RIN3: variants seen among roughly 807,000 people sequenced by gnomAD.
The protein encoded by RIN3 is RAB5 interacting protein 3.
RIN3 carries 54 observed loss-of-function variants against 76.3 expected under a neutral mutation model. The observed-to-expected ratio is 0.71, with a 90% confidence interval of 0.57 to 0.89. The LOEUF is 0.89. Among genes scored for constraint, RIN3 ranks in the 40% least tolerant of loss-of-function variants. RIN3 has a pLI of 0.00. For synonymous variants in RIN3, 576 were observed against 564.0 expected, an observed-to-expected ratio of 1.02 and a Z score of -0.30; for missense variants, 1,256 against 1,322.1, an observed-to-expected ratio of 0.95 and a Z score of 0.78.
In RIN3 at chr14:92,561,125, A is replaced by T. The variant is rs1208744561; in HGVS notation, c.249+5170A>T. 3.8e-4 allele frequency among the ~76,000 whole-genome samples: 41 copies of T among 107,120 alleles called. No homozygotes were observed. In the East Asian group the frequency reaches 8.2e-3, roughly 21 times the overall value. 70.3% of individuals were successfully genotyped at this position (107,120 alleles called of 152,430 possible). ...ATGCCATATTTATATATATTTATAT[A>T]TATTTATATTTATATATATTTTTAT... On this transcript the variant is annotated intron_variant, in intron 2 of 9. Coordinates refer to ENST00000216487, the MANE Select transcript of RIN3 (RefSeq NM_024832.5).
Position 92,688,327 on chromosome 14 carries a change from G to C in RIN3, c.*75G>C, listed in dbSNP as rs1290401485. On this transcript the variant is annotated 3_prime_UTR_variant, in exon 10 of 10. Coordinates refer to ENST00000216487, the MANE Select transcript of RIN3 (RefSeq NM_024832.5). Reference sequence around the variant, plus strand: ...CCTCTGGCTGCGCACTCCCGACCGCGACGTCCACGCAGCAGAGGGACATGG... The same window carrying C: ...CCTCTGGCTGCGCACTCCCGACCGCCACGTCCACGCAGCAGAGGGACATGG... The C allele has an allele frequency of 7.4e-7, 1 of 1,353,358 alleles. No individual in the cohort carries two copies. The highest frequency in any genetic ancestry group is 9.8e-7 in the Non-Finnish European group (1 of 1,017,596). The allele number at this position is 1,353,358 out of a possible 1,614,324, so 83.8% of individuals were successfully genotyped here. A position where few individuals can be genotyped will look rare whatever the true frequency, so the allele number is the denominator to read the frequency against.
In RIN3 at chr14:92,653,080, G is replaced by C. The variant is rs1333661740; in HGVS notation, c.2026+5G>C. On this transcript the variant is annotated splice_donor_5th_base_variant and intron_variant, in intron 6 of 9. Coordinates refer to ENST00000216487, the MANE Select transcript of RIN3 (RefSeq NM_024832.5). ...TGCACTCCGAGGAGGAGCTCGGTCA[G>C]TGCCCTGGGAGGAGGTGGCAGGGAG... The C allele has an allele frequency of 6.3e-7, 1 of 1,596,430 alleles. No individual in the cohort carries two copies. Among genetic ancestry groups the C allele is most frequent in the Non-Finnish European group, 8.5e-7 (1 of 1,176,558 alleles).
At chr14:92,597,436 A>G (rs1013674040) in intron 3 of RIN3, among the ~76,000 whole-genome samples, 5 of 151,968 alleles carry the variant, frequency 3.3e-5, no homozygotes, top group African/African-American at 9.7e-5. Context: ...AGTGTTTTCC[A>G]TGGTTTTCTT....
Position 92,514,682 on chromosome 14 carries a change from G to C in RIN3, c.44+706G>C, listed in dbSNP as rs896671876. Among the ~76,000 whole-genome samples the C allele has an allele frequency of 6.6e-6, 1 of 152,222 alleles. No individual in the cohort carries two copies. The highest frequency in any genetic ancestry group is 1.5e-5 in the Non-Finnish European group (1 of 68,030). On this transcript the variant is annotated intron_variant, in intron 1 of 9. Coordinates refer to ENST00000216487, the MANE Select transcript of RIN3 (RefSeq NM_024832.5). This position sits in a 1 kb window ranked among gnomAD's most constrained non-coding sequence, Gnocchi z 7.2. Reference sequence around the variant, plus strand: ...GGAACTGACTTGGAGAGGAGTCCCCGGTGGCTAAGTCCCCGCTCCGCCTCC... The same window carrying C: ...GGAACTGACTTGGAGAGGAGTCCCCCGTGGCTAAGTCCCCGCTCCGCCTCC...
At chr14:92,577,156 C>T in intron 2 of RIN3, 1 of 486,178 alleles carries the variant, frequency 2.1e-6, no homozygotes, top group Non-Finnish European at 3.8e-6. Flanking sequence ...AGAAACTGAG[C>T]ATGCAGGATC....
intron 3 of RIN3, among the ~76,000 whole-genome samples, chr14:92,614,656 C>A (rs558833990): frequency 6.6e-6 from 1 of 151,896 alleles, no homozygotes; most frequent in Non-Finnish European, 1.5e-5. Flanking sequence ...ATAAGGCTCA[C>A]GAGATCTGAT....
At chr14:92,527,512 G>C (rs767094880) in intron 1 of RIN3, among the ~76,000 whole-genome samples, 8 of 152,106 alleles carry the variant, frequency 5.3e-5, no homozygotes, top group Non-Finnish European at 1.2e-4. Flanking sequence ...GATGTGATGG[G>C]ACCTGTAACA....
At chr14:92,560,315 C>T (rs941558846) in intron 2 of RIN3, among the ~76,000 whole-genome samples, 1 of 152,128 alleles carries the variant, frequency 6.6e-6, no homozygotes, top group Non-Finnish European at 1.5e-5. Flanking sequence ...CTTCTGAGGG[C>T]GTAGCAGCTG....
chr14:92,610,750 G>A (rs1365635546), intron 3 of RIN3, among the ~76,000 whole-genome samples: 2 of 152,174 alleles, frequency 1.3e-5, no homozygotes, highest in East Asian at 3.8e-4. Context: ...AGTGAGGACT[G>A]TAGGAACAGG....
Position 92,652,649 on chromosome 14 carries a change from C to G in RIN3, c.1600C>G (p.Leu534Val). Residue 534 changes from leucine (L) to valine (V), a missense_variant, in exon 6 of 10, where the codon CTC becomes GTC. Leu to Val is a conservative substitution (Grantham distance 32, BLOSUM62 1). Coordinates refer to ENST00000216487, the MANE Select transcript of RIN3 (RefSeq NM_024832.5). This position sits in a 1 kb window ranked among gnomAD's most constrained non-coding sequence, Gnocchi z 6.4. ...SPEFKGSLAS[L>V]SDSLGVSVMA... ...AGAGTTCAAGGGCTCCCTGGCCTCC[C>G]TCTCAGACAGCTTGGGGGTGTCTGT... is the stretch of plus-strand genomic sequence containing the variant. The G allele has an allele frequency of 1.2e-6, 2 of 1,612,032 alleles. No homozygotes were observed. Among genetic ancestry groups the G allele is most frequent in the Non-Finnish European group, 1.7e-6 (2 of 1,179,988 alleles).
At position 92,652,206 on chromosome 14, in the gene RIN3, C is replaced by G. The variant is rs1196704107; in HGVS notation, c.1157C>G (p.Pro386Arg). ...LPAKKNLPTA[P>R]PRRRVSERVS... ...GCGAAGAAGAACCTTCCCACTGCCC[C>G]TCCCAGACGCCGCGTTTCCGAGAGG... Residue 386 changes from proline to arginine, a missense_variant, in exon 6 of 10, where the codon CCT (proline) becomes CGT (arginine). Coordinates refer to ENST00000216487, the MANE Select transcript of RIN3 (RefSeq NM_024832.5). The surrounding 1 kb of genome is among the most constrained non-coding windows in gnomAD (Gnocchi z 6.4). 1 of 1,606,102 alleles carries G rather than the reference C, an allele frequency of 6.2e-7. No homozygotes were observed. The highest frequency in any genetic ancestry group is 8.5e-7 in the Non-Finnish European group (1 of 1,175,020).
At chr14:92,674,404 G>A (rs1350076952) in intron 7 of RIN3, among the ~76,000 whole-genome samples, 2 of 152,080 alleles carry the variant, frequency 1.3e-5, no homozygotes, top group African/African-American at 4.8e-5. Flanking sequence ...TGACAACCTG[G>A]GCAACATGGC....
At chr14:92,649,589 T>A (rs760830970) in intron 5 of RIN3, among the ~76,000 whole-genome samples, 1 of 152,104 alleles carries the variant, frequency 6.6e-6, no homozygotes, top group South Asian at 2.1e-4. Context: ...AGAACATGTA[T>A]GTACTCGAGG....
At chr14:92,673,801 C>T (rs189962997) in intron 7 of RIN3, among the ~76,000 whole-genome samples, 136 of 152,306 alleles carry the variant, frequency 8.9e-4, no homozygotes, top group Non-Finnish European at 1.6e-3. Context: ...CCACCGCGCC[C>T]GGCCGCCACA....
chr14:92,676,675 A>G, intron 8 of RIN3, 69 bp downstream of exon 8: 2 of 1,551,368 alleles, frequency 1.3e-6, no homozygotes, highest in South Asian at 2.3e-5. Context: ...CGGGCACTCT[A>G]GGTGGCCCAA....
At chr14:92,558,125 G>C (rs1274804790) in intron 2 of RIN3, among the ~76,000 whole-genome samples, 1 of 152,222 alleles carries the variant, frequency 6.6e-6, no homozygotes, top group Non-Finnish European at 1.5e-5. Flanking sequence ...ACGGCAGGGG[G>C]ATTCCTTGAG....
intron 7 of RIN3, among the ~76,000 whole-genome samples, chr14:92,660,657 A>C (rs1284093276): frequency 6.6e-6 from 1 of 152,246 alleles, no homozygotes; most frequent in Non-Finnish European, 1.5e-5. Flanking sequence ...GATGCCTTTC[A>C]TTGACTTGTT....
rs114607614 is a variant in RIN3 at position 92,659,411 on chromosome 14, C to A, written c.2277C>A (p.Ile759=). The part of the protein sequence containing the change: ...MHKAYSPEKK[I]SILLKTCKLI... Reference sequence around the variant, plus strand: ...AGGCCTACTCACCTGAGAAGAAGATCTCCATCCTGCTCAAGACCTGCAAAC... The same window carrying A: ...AGGCCTACTCACCTGAGAAGAAGATATCCATCCTGCTCAAGACCTGCAAAC... The change falls in exon 7 of 10, where the codon ATC becomes ATA. Residue 759 remains isoleucine, a synonymous_variant. Transcript: ENST00000216487. 6.5e-4 allele frequency: 1,055 copies of A among 1,613,430 alleles called. 8 individuals carry two copies. In the African/African-American group the frequency reaches 0.012, roughly 18 times the overall value.
chr14:92,668,013 C>A (rs1888168892), intron 7 of RIN3, among the ~76,000 whole-genome samples: 1 of 152,114 alleles, frequency 6.6e-6, no homozygotes, highest in African/African-American at 2.4e-5. Flanking sequence ...GGACAAAATC[C>A]CCTCCTGTCT....
Sources: allele counts gnomAD v4.1 joint callset (sites outside exome capture counted in the v4.1 genomes callset), GRCh38; gene constraint gnomAD v4.1.1; non-coding constraint Gnocchi (gnomAD v3.1); transcripts MANE v1.5; gene names NCBI Gene and HGNC (gene_info 2026-07-23, HGNC 2026-07-21).